STK33: variants seen among roughly 807,000 people sequenced by gnomAD.
STK33 encodes the protein serine/threonine-protein kinase 33.
STK33 carries 52 observed loss-of-function variants against 58.0 expected under a neutral mutation model. The ratio of observed to expected loss-of-function variants is 0.90; its 90% CI spans 0.72 to 1.13. STK33 has a LOEUF of 1.13. Among genes scored for constraint, STK33 ranks in the 50% most tolerant of loss-of-function variants. The pLI is 0.00. For missense variants in STK33, 630 were observed against 604.2 expected, an observed-to-expected ratio of 1.04 and a Z score of -0.45; for synonymous variants, 215 against 200.1, an observed-to-expected ratio of 1.07 and a Z score of -0.63.
chr11:8,507,778 A>C (rs926355428), intron 1 of STK33, among the ~76,000 whole-genome samples: 5 of 152,224 alleles, frequency 3.3e-5, no homozygotes, highest in African/African-American at 1.2e-4. Flanking sequence ...ATGAGCACCT[A>C]TAATACGACT....
chr11:8,553,069 T>A (rs928686405), intron 1 of STK33, among the ~76,000 whole-genome samples: 14 of 149,844 alleles, frequency 9.3e-5, no homozygotes, highest in African/African-American at 3.4e-4. Context: ...GGCAGGAGGA[T>A]CACTTGAATC....
chr11:8,593,935 G>C (rs879500559), intron 1 of STK33, 148 bp downstream of exon 1: 3 of 152,202 alleles, frequency 2.0e-5, no homozygotes, highest in Non-Finnish European at 2.9e-5. Flanking sequence ...TCCCTCCGCT[G>C]GGGGGTTACC....
intron 1 of STK33, among the ~76,000 whole-genome samples, chr11:8,516,718 C>A (rs572461311): frequency 2.0e-5 from 3 of 152,218 alleles, no homozygotes; most frequent in Admixed American, 6.5e-5. Context: ...CTCACACCCA[C>A]GAAGCCTCAC....
At chr11:8,348,025 A>G in the STK33 span, among the ~76,000 whole-genome samples, 1 of 152,106 alleles carries the variant, frequency 6.6e-6, no homozygotes, top group Non-Finnish European at 1.5e-5. Context: ...CTGAGAGGAG[A>G]AGAGACAATG....
intron 1 of STK33, among the ~76,000 whole-genome samples, chr11:8,571,602 G>C (rs1957810847): frequency 6.6e-6 from 1 of 152,150 alleles, no homozygotes; most frequent in African/African-American, 2.4e-5. Context: ...GGGAGGCTGA[G>C]GCGGGTGGAT....
chr11:8,395,742 T>G (rs578071188), intron 15 of STK33, among the ~76,000 whole-genome samples: 1 of 152,366 alleles, frequency 6.6e-6, no homozygotes, highest in Non-Finnish European at 1.5e-5. Flanking sequence ...TTGTTTCCAA[T>G]CTTTTGCAAG....
chr11:8,372,529 T>C, the STK33 span, among the ~76,000 whole-genome samples: 1 of 152,220 alleles, frequency 6.6e-6, no homozygotes, highest in African/African-American at 2.4e-5. Context: ...TAGAAACTAG[T>C]AGAAAGGCAG....
chr11:8,573,600 T>G (rs889754954), intron 1 of STK33, among the ~76,000 whole-genome samples: 1 of 152,240 alleles, frequency 6.6e-6, no homozygotes, highest in Non-Finnish European at 1.5e-5. Flanking sequence ...AAAGAAATGA[T>G]AACTTATGTT....
intron 14 of STK33, among the ~76,000 whole-genome samples, chr11:8,430,087 T>C (rs1943241622): frequency 6.6e-6 from 1 of 152,150 alleles, no homozygotes; most frequent in Non-Finnish European, 1.5e-5. Context: ...CAGTAGTAAG[T>C]CATTGCCAAA....
Position 8,414,172 on chromosome 11 carries a change from T to C in STK33, c.1147-480A>G, listed in dbSNP as rs1366924747. Among the ~76,000 whole-genome samples the C allele has an allele frequency of 2.0e-5, 3 of 152,340 alleles. No individual in the cohort carries two copies. The East Asian group carries it at 5.8e-4, about 29-fold the overall frequency. ...CAAGCACTGTGTCTAAGAATATAGA[T>C]ATTTAATTGGAAATCCCTTACCTGT... On this transcript the variant is annotated intron_variant, in intron 14 of 15. Coordinates refer to ENST00000687296, the MANE Select transcript of STK33 (RefSeq NM_001352389.2).
intron 14 of STK33, among the ~76,000 whole-genome samples, chr11:8,421,388 A>G (rs1941899324): frequency 6.6e-6 from 1 of 152,168 alleles, no homozygotes; most frequent in African/African-American, 2.4e-5. Flanking sequence ...CATTTATTGA[A>G]TAGTCCCTCC....
chr11:8,582,258 A>G (rs888152376), intron 1 of STK33, among the ~76,000 whole-genome samples: 3 of 152,236 alleles, frequency 2.0e-5, no homozygotes, highest in Admixed American at 2.0e-4. Context: ...ATATAGCTTG[A>G]TATTTTTTAA....
intron 1 of STK33, among the ~76,000 whole-genome samples, chr11:8,488,983 G>C (rs184570566): frequency 6.6e-6 from 1 of 152,236 alleles, no homozygotes; most frequent in Admixed American, 6.5e-5. Context: ...AAGAGGCTGG[G>C]CATGGTGGCT....
chr11:8,495,494 T>C (rs1028556630), intron 1 of STK33, among the ~76,000 whole-genome samples: 1 of 152,170 alleles, frequency 6.6e-6, no homozygotes, highest in Non-Finnish European at 1.5e-5. Flanking sequence ...TGTTACACTG[T>C]TGGTGGGAGT....
chr11:8,364,594 GC>G, the STK33 span, among the ~76,000 whole-genome samples: 1 of 152,110 alleles, frequency 6.6e-6, no homozygotes, highest in South Asian at 2.1e-4. Context: ...TTTAAAATAT[GC>G]CAGTAAAATG....
At chr11:8,468,034 CACTGCTGATAAAGACAT>C (rs1948393964) in intron 6 of STK33, among the ~76,000 whole-genome samples, 2 of 152,098 alleles carry the variant, frequency 1.3e-5, no homozygotes, top group South Asian at 4.1e-4. Context: ...TCCATTTTCA[CACTGCTGATAAAGACAT>C]ACCCGAGACT....
chr11:8,441,101 T>C (rs1210892396), intron 11 of STK33, among the ~76,000 whole-genome samples: 2 of 152,192 alleles, frequency 1.3e-5, no homozygotes, highest in Non-Finnish European at 2.9e-5. Flanking sequence ...ATTAAATATA[T>C]GCCTTAAGTA....
At chr11:8,452,285 AC>A (rs1278167511) in intron 11 of STK33, among the ~76,000 whole-genome samples, 1 of 152,230 alleles carries the variant, frequency 6.6e-6, no homozygotes, top group Non-Finnish European at 1.5e-5. Flanking sequence ...GGGTATGATT[AC>A]CTAAGAGATA....
chr11:8,450,926 C>T (rs901581597), intron 11 of STK33, among the ~76,000 whole-genome samples: 1 of 152,032 alleles, frequency 6.6e-6, no homozygotes, highest in Admixed American at 6.5e-5. Flanking sequence ...TATATGAATG[C>T]CTAGTAAGCA....
Sources: gnomAD v4.1 joint callset for allele counts (sites outside exome capture counted in the v4.1 genomes callset) on GRCh38, gnomAD v4.1.1 for gene constraint, MANE v1.5 for transcripts, NCBI Gene and HGNC (gene_info 2026-07-23, HGNC 2026-07-21) for gene names.